ZNF556: variants seen among roughly 807,000 people sequenced by gnomAD.
The protein encoded by ZNF556 is zinc finger protein 556.
Under a neutral mutation model 13.6 loss-of-function variants are expected in ZNF556, and 11 were observed. The observed-to-expected ratio is 0.81, with a 90% CI of 0.51 to 1.33. The LOEUF (loss-of-function observed/expected upper bound fraction) is 1.33, where lower values mean the gene tolerates loss of function less well. Among genes scored for constraint, ZNF556 ranks in the 40% most tolerant of loss-of-function variants. The pLI is 0.00. For synonymous variants in ZNF556, 229 were observed against 207.8 expected (o/e 1.10, Z -0.88); for missense variants, 633 against 566.2 (o/e 1.12, Z -1.20).
intron 2 of ZNF556, 84 bp downstream of exon 2, chr19:2,873,706 T>C: frequency 6.7e-7 from 1 of 1,503,192 alleles, no homozygotes; most frequent in Non-Finnish European, 9.0e-7. Context: ...GTATTCCCAG[T>C]GCTTTAGGAG....
chr19:2,876,118 T>C lies in ZNF556; in HGVS notation c.156T>C (p.Ser52=). 6.2e-7 allele frequency: 1 copy of C among 1,610,750 alleles called. No individual in the cohort carries two copies. Among genetic ancestry groups the C allele is most frequent in the Non-Finnish European group, 8.5e-7 (1 of 1,179,270 alleles). Residue 52 remains serine (S), a synonymous_variant, in exon 3 of 4, where the codon AGT becomes AGC. Coordinates refer to ENST00000307635, the MANE Select transcript of ZNF556 (RefSeq NM_024967.3). ...ATAATGAGGCTCAGCTTAAAGCCAGTGGGTCTATTTCTCAGCAGGATACTT... is the reference window on the plus strand; with the variant it reads ...ATAATGAGGCTCAGCTTAAAGCCAGCGGGTCTATTTCTCAGCAGGATACTT... ...SVDNEAQLKA[S]GSISQQDTSG... is the part of the protein sequence containing the mutation.
At position 2,873,633 on chromosome 19, in the gene ZNF556, C is replaced by T. The variant is rs750008645; in HGVS notation, c.130+11C>T. 6.2e-7 allele frequency: 1 copy of T among 1,610,464 alleles called. No homozygotes were observed. Among genetic ancestry groups the T allele is most frequent in the South Asian group, 1.1e-5 (1 of 90,914 alleles). ...ACCTGGCCTCAGTAGGTGAGGATAG[C>T]ATTATTTCTGCACTTAGTTATTAGA... On this transcript the variant is annotated intron_variant, in intron 2 of 3. Transcript: ENST00000307635.
At position 2,882,529 on chromosome 19, in the gene ZNF556, ATAGTGTGTGT is replaced by A. The variant is rs1293308755; in HGVS notation, c.*4201_*4210del. The A allele has an allele frequency of 3.3e-5, 3 of 91,082 alleles. No homozygotes were observed. The highest frequency in any genetic ancestry group is 1.2e-4 in the African/African-American group (3 of 24,084). The allele number at this position is 91,082 out of a possible 1,614,324, so 5.6% of individuals were successfully genotyped here. The stretch of plus-strand genomic sequence containing the variant: ...GTATACATTTTATATATATATATAT[ATAGTGTGTGT>A]GTGTGTGTGTGTGTGTGTGTGTGTG... On this transcript the variant is annotated 3_prime_UTR_variant, in exon 4 of 4. Transcript: ENST00000307635.
At chr19:2,874,362 T>C (rs899978232) in intron 2 of ZNF556, among the ~76,000 whole-genome samples, 3 of 152,200 alleles carry the variant, frequency 2.0e-5, no homozygotes, top group Admixed American at 6.6e-5. Context: ...GTTATAATCA[T>C]TGATGTCCTG....
chr19:2,872,987 T>C (rs577753649), intron 1 of ZNF556, among the ~76,000 whole-genome samples: 8 of 151,300 alleles, frequency 5.3e-5, no homozygotes, highest in African/African-American at 1.7e-4. Flanking sequence ...ATAAAAATTA[T>C]CCAGGCATGT....
At chr19:2,872,733 T>G (rs1278170736) in intron 1 of ZNF556, among the ~76,000 whole-genome samples, 5 of 149,600 alleles carry the variant, frequency 3.3e-5, no homozygotes. Context: ...GCAGGAGAAT[T>G]GCTTGAACCC....
chr19:2,868,546 A>G (rs2087776399), intron 1 of ZNF556, among the ~76,000 whole-genome samples: 1 of 150,268 alleles, frequency 6.7e-6, no homozygotes, highest in Non-Finnish European at 1.5e-5. Flanking sequence ...CCTCCCCAGC[A>G]GCTGGGACTA....
In ZNF556 at chr19:2,876,201, G is replaced by A. The variant is rs1198785364; in HGVS notation, c.239G>A (p.Trp80Ter). ...GAAAAGTTCACAAGAAAGAATATATGGGCCTCCCTTTTAGGAAAAAATTGG... is the reference window on the plus strand; with the variant it reads ...GAAAAGTTCACAAGAAAGAATATATAGGCCTCCCTTTTAGGAAAAAATTGG... ...KIEKFTRKNI[W>*]ASLLGKNWEE... Residue 80 changes from tryptophan (W) to a stop codon, truncating the protein, a stop_gained, in exon 3 of 4, where the codon TGG (tryptophan) becomes TAG (stop). Coordinates refer to ENST00000307635, the MANE Select transcript of ZNF556 (RefSeq NM_024967.3). LOFTEE classifies it high-confidence loss of function. 4 of 1,610,716 alleles carry A rather than the reference G, an allele frequency of 2.5e-6. No homozygotes were observed. The highest frequency in any genetic ancestry group is 3.4e-6 in the Non-Finnish European group (4 of 1,179,106).
Position 2,877,361 on chromosome 19 carries a change from C to T in ZNF556, c.403C>T (p.His135Tyr). 6.2e-7 allele frequency: 1 copy of T among 1,614,170 alleles called. No homozygotes were observed. Among genetic ancestry groups the T allele is most frequent in the African/African-American group, 1.3e-5 (1 of 75,038 alleles). ...CAGAAAGACTCGAAATTGTAATCGT[C>T]ATCTGCGCAAGAATTGTTGTACTAG... ...TFRKTRNCNR[H>Y]LRKNCCTSVR... The change falls in exon 4 of 4, where the codon CAT (histidine) becomes TAT (tyrosine). Residue 135 changes from histidine (H) to tyrosine (Y), a missense_variant. By Grantham distance (83) the His-to-Tyr change is moderately conservative. Coordinates refer to ENST00000307635, the MANE Select transcript of ZNF556 (RefSeq NM_024967.3).
intron 2 of ZNF556, among the ~76,000 whole-genome samples, 168 bp downstream of exon 2, chr19:2,873,790 C>T (rs1268044596): frequency 2.7e-5 from 4 of 147,806 alleles, no homozygotes; most frequent in Non-Finnish European, 4.5e-5. Flanking sequence ...CTTGTCTCTA[C>T]AAAAAAAAAA....
rs768132032 is a variant in ZNF556 at position 2,877,386 on chromosome 19, G to A, written c.428G>A (p.Ser143Asn). 2 of 1,614,056 alleles carry A rather than the reference G, an allele frequency of 1.2e-6. No individual in the cohort carries two copies. Among genetic ancestry groups the A allele is most frequent in the South Asian group, 1.1e-5 (1 of 91,092 alleles). The change falls in exon 4 of 4, where the codon AGT becomes AAT. Residue 143 changes from serine (S) to asparagine (N), a missense_variant. Ser to Asn is a conservative substitution (Grantham distance 46, BLOSUM62 1). Coordinates refer to ENST00000307635, the MANE Select transcript of ZNF556 (RefSeq NM_024967.3). Reference protein sequence around the residue: ...NRHLRKNCCTSVRRYECSQCG... With the variant: ...NRHLRKNCCTNVRRYECSQCG... ...CATCTGCGCAAGAATTGTTGTACTAGTGTAAGACGGTACGAATGCAGTCAG... is the reference window on the plus strand; with the variant it reads ...CATCTGCGCAAGAATTGTTGTACTAATGTAAGACGGTACGAATGCAGTCAG...
intron 1 of ZNF556, among the ~76,000 whole-genome samples, chr19:2,872,683 G>T (rs2087813889): frequency 6.6e-6 from 1 of 151,972 alleles, no homozygotes; most frequent in Admixed American, 6.6e-5. Context: ...CACAGGTGTG[G>T]TGGCGGGCAC....
intron 2 of ZNF556, among the ~76,000 whole-genome samples, chr19:2,874,580 T>C (rs1032554517): frequency 6.6e-6 from 1 of 151,604 alleles, no homozygotes; most frequent in Non-Finnish European, 1.5e-5. Flanking sequence ...CTGTCTCTAC[T>C]AAAAATACAA....
intron 1 of ZNF556, among the ~76,000 whole-genome samples, chr19:2,871,336 A>G (rs966640701): frequency 3.3e-5 from 5 of 152,214 alleles, no homozygotes; most frequent in African/African-American, 1.2e-4. Flanking sequence ...ACTTACATGA[A>G]GAATCAAAAA....
intron 1 of ZNF556, among the ~76,000 whole-genome samples, chr19:2,868,911 G>T (rs1200566035): frequency 1.3e-5 from 2 of 151,792 alleles, no homozygotes; most frequent in Non-Finnish European, 2.9e-5. Context: ...TAGAGACGGG[G>T]TTCCACCATG....
Position 2,877,758 on chromosome 19 carries a change from C to G in ZNF556, c.800C>G (p.Ala267Gly). Residue 267 changes from alanine (A) to glycine (G), a missense_variant, in exon 4 of 4, where the codon GCC becomes GGC. Coordinates refer to ENST00000307635, the MANE Select transcript of ZNF556 (RefSeq NM_024967.3). ...TATGAGTGCAAGCACTGTGGGAAAG[C>G]CTTCAGGTGTCAGAAATCCTTTCGA... ...RPYECKHCGK[A>G]FRCQKSFRVH... The G allele has an allele frequency of 1.2e-6, 2 of 1,613,196 alleles. No homozygotes were observed. Among genetic ancestry groups the G allele is most frequent in the Non-Finnish European group, 1.7e-6 (2 of 1,179,642 alleles).
chr19:2,875,093 C>A, intron 2 of ZNF556: 1 of 156,458 alleles, frequency 6.4e-6, no homozygotes, highest in Non-Finnish European at 1.4e-5. Flanking sequence ...GTTTGGTTTG[C>A]CACCAGGAGT....
intron 2 of ZNF556, among the ~76,000 whole-genome samples, chr19:2,874,511 G>A (rs576919144): frequency 1.3e-4 from 19 of 151,882 alleles, no homozygotes; most frequent in South Asian, 1.2e-3. Flanking sequence ...TTGGGAGGCC[G>A]AGGCGGGCGG....
chr19:2,868,071 C>T (rs748278364), intron 1 of ZNF556, among the ~76,000 whole-genome samples: 11 of 152,098 alleles, frequency 7.2e-5, no homozygotes, highest in Non-Finnish European at 1.3e-4. Flanking sequence ...TCTCGTCTTA[C>T]ATTCCATTTG....
Sources: gnomAD v4.1 joint callset for allele counts (sites outside exome capture counted in the v4.1 genomes callset) on GRCh38, gnomAD v4.1.1 for gene constraint, MANE v1.5 for transcripts, NCBI Gene and HGNC (gene_info 2026-07-23, HGNC 2026-07-21) for gene names.